Variants in ZKSCAN5 observed in about 807,000 individuals in gnomAD.
ZKSCAN5 encodes zinc finger protein with KRAB and SCAN domains 5.
ZKSCAN5 carries 28 observed loss-of-function variants against 60.0 expected under a neutral mutation model. That is an observed-to-expected ratio of 0.47 (90% CI 0.35 to 0.64). ZKSCAN5 has a LOEUF of 0.64. ZKSCAN5 is among the 30% of genes least tolerant of loss of function. The pLI, the probability that ZKSCAN5 is intolerant of heterozygous loss-of-function variation, is 0.01. For synonymous variants in ZKSCAN5, 361 were observed against 371.2 expected (o/e 0.97, Z 0.31); for missense variants, 881 against 1,034.6 (o/e 0.85, Z 2.04).
intron 5 of ZKSCAN5, among the ~76,000 whole-genome samples, chr7:99,524,700 AG>A (rs1801695361): frequency 6.6e-6 from 1 of 152,188 alleles, no homozygotes; most frequent in South Asian, 2.1e-4. Context: ...GGTTCTTCTC[AG>A]GATATAGAAA....
At chr7:99,519,957 C>T (rs949185419) in intron 4 of ZKSCAN5, 48 bp downstream of exon 4, 12 of 1,598,262 alleles carry the variant, frequency 7.5e-6, no homozygotes, top group Non-Finnish European at 1.0e-5. Flanking sequence ...CCTGAACCTT[C>T]ACCAAGAGTT....
rs573055068 is a variant in ZKSCAN5, at chr7:99,517,359, T to C, written c.554-2468T>C. The stretch of plus-strand genomic sequence containing the variant: ...GATTACAGGCGTGAGCCACTGTGCC[T>C]GGCCCTTCATAATGTTTTAAGAAAC... On this transcript the variant is annotated intron_variant, in intron 3 of 6. Coordinates refer to ENST00000326775, the MANE Select transcript of ZKSCAN5 (RefSeq NM_145102.4). 3.2e-3 allele frequency among the ~76,000 whole-genome samples: 480 copies of C among 149,534 alleles called. 3 individuals carry two copies. The highest frequency in any genetic ancestry group is 0.011 in the African/African-American group (460 of 40,998).
rs777966300 is a variant in ZKSCAN5, at chr7:99,532,079, C to CTTAA, written c.2351_2352insTAAT (p.Lys785AsnfsTer6). 1.2e-6 allele frequency: 2 copies of CTTAA among 1,614,182 alleles called. No individual in the cohort carries two copies. Among genetic ancestry groups the CTTAA allele is most frequent in the Non-Finnish European group, 1.7e-6 (2 of 1,180,030 alleles). Reference sequence around the variant, plus strand: ...TCATGAATGTGGCAGAGGCTTCACTCTGAAGTCACATCTTAATCAACATCA... The same window carrying CTTAA: ...TCATGAATGTGGCAGAGGCTTCACTCTTAATGAAGTCACATCTTAATCAACATCA... On this transcript the variant is annotated frameshift_variant, in exon 7 of 7. Transcript: ENST00000326775. LOFTEE classifies it high-confidence loss of function.
chr7:99,511,983 G>A (rs1801054135), intron 2 of ZKSCAN5, among the ~76,000 whole-genome samples: 2 of 152,012 alleles, frequency 1.3e-5, no homozygotes, highest in Admixed American at 1.3e-4. Flanking sequence ...TAGTAGAGAC[G>A]GGGTTTCACC....
In ZKSCAN5 at chr7:99,519,809, C is replaced by T. The variant is rs1562909525; in HGVS notation, c.554-18C>T. 1 of 1,611,766 alleles carries T rather than the reference C, an allele frequency of 6.2e-7. No individual in the cohort carries two copies. Among genetic ancestry groups the T allele is most frequent in the Admixed American group, 1.7e-5 (1 of 59,996 alleles). ...GGCAAAGATGTTCTCACTTAAACCT[C>T]TTTTTCTCCTCCCTTAGCCCTTCCT... On this transcript the variant is annotated intron_variant, in intron 3 of 6. Coordinates refer to ENST00000326775, the MANE Select transcript of ZKSCAN5 (RefSeq NM_145102.4).
At position 99,526,159 on chromosome 7, in the gene ZKSCAN5, G is replaced by GT. The variant is rs1801777995; in HGVS notation, c.1122dup (p.Lys375Ter). The GT allele has an allele frequency of 1.9e-6, 3 of 1,614,206 alleles. No homozygotes were observed. The highest frequency in any genetic ancestry group is 1.7e-6 in the Non-Finnish European group (2 of 1,180,050). On this transcript the variant is annotated frameshift_variant, in exon 6 of 7. Transcript: ENST00000326775. LOFTEE classifies it high-confidence loss of function. ...GGCGCATCCACACTGGAGAAAAACC[G>GT]TTTAAGTGCGGAGAATGTGGGAAGA...
intron 5 of ZKSCAN5, among the ~76,000 whole-genome samples, chr7:99,523,481 C>T (rs1247587766): frequency 1.3e-5 from 2 of 152,094 alleles, no homozygotes; most frequent in Admixed American, 6.6e-5. Flanking sequence ...ATTAGCTAGG[C>T]GTGGTGGTGC....
At chr7:99,521,869 T>G (rs900574524) in intron 5 of ZKSCAN5, among the ~76,000 whole-genome samples, 5 of 152,138 alleles carry the variant, frequency 3.3e-5, no homozygotes, top group African/African-American at 1.2e-4. Context: ...TAATGCAAAT[T>G]TTAAAAATTC....
rs1331069738 is a variant in ZKSCAN5 at position 99,526,325 on chromosome 7, C to T, written c.1285C>T (p.Pro429Ser). 7 of 1,610,204 alleles carry T rather than the reference C, an allele frequency of 4.3e-6. No homozygotes were observed. The highest frequency in any genetic ancestry group is 5.9e-6 in the Non-Finnish European group (7 of 1,180,028). Residue 429 changes from proline (P) to serine (S), a missense_variant, in exon 6 of 7, where the codon CCC becomes TCC. By Grantham distance (74) the Pro-to-Ser change is moderately conservative. Coordinates refer to ENST00000326775, the MANE Select transcript of ZKSCAN5 (RefSeq NM_145102.4). ...QHHSVHSGER[P>S]YGCNECGKNF... is the part of the protein sequence containing the mutation. ...CCACAGTGTCCACAGCGGAGAGAGG[C>T]CCTATGGCTGCAATGAGTGTGGGAA...
At chr7:99,520,105 T>C in intron 4 of ZKSCAN5, 64 bp from the exon 5 acceptor site, 1 of 1,592,870 alleles carries the variant, frequency 6.3e-7, no homozygotes, top group Admixed American at 1.7e-5. Context: ...ATGAGCCCAG[T>C]TCTTCCCCTC....
intron 3 of ZKSCAN5, among the ~76,000 whole-genome samples, chr7:99,516,308 G>T (rs1271589396): frequency 6.6e-6 from 1 of 152,082 alleles, no homozygotes; most frequent in Non-Finnish European, 1.5e-5. Context: ...ATCCTAGCCG[G>T]TTTATTTTAG....
At position 99,523,120 on chromosome 7, in the gene ZKSCAN5, T is replaced by C. The variant is rs919736465; in HGVS notation, c.773-2693T>C. ...TGAAGGTTGCAGTGAGCTGAGATCA[T>C]GCCATTGCACTCCAGCCTAGGTGAC... On this transcript the variant is annotated intron_variant, in intron 5 of 6. Transcript: ENST00000326775. Among the ~76,000 whole-genome samples, 5 of 128,960 alleles carry C rather than the reference T, an allele frequency of 3.9e-5. No individual in the cohort carries two copies. In the Admixed American group the frequency reaches 3.9e-4, roughly 10 times the overall value. The allele number at this position is 128,960 out of a possible 152,430, so 84.6% of individuals were successfully genotyped here.
intron 2 of ZKSCAN5, among the ~76,000 whole-genome samples, chr7:99,511,802 T>G (rs185854120): frequency 9.9e-5 from 15 of 151,960 alleles, no homozygotes; most frequent in African/African-American, 3.6e-4. Flanking sequence ...TCCATTTTTT[T>G]TTTTTGAGAC....
rs1802130325 is a variant in ZKSCAN5 at position 99,533,205 on chromosome 7, G to A, written c.*956G>A. 3.1e-6 allele frequency: 2 copies of A among 650,774 alleles called. No homozygotes were observed. Among genetic ancestry groups the A allele is most frequent in the Non-Finnish European group, 5.7e-6 (2 of 352,216 alleles). The allele number at this position is 650,774 out of a possible 1,614,324, so 40.3% of individuals were successfully genotyped here. A position where few individuals can be genotyped will look rare whatever the true frequency, so the allele number is the denominator to read the frequency against. On this transcript the variant is annotated 3_prime_UTR_variant, in exon 7 of 7. Transcript: ENST00000326775. ...CTCTCCTGTAGAGTGGTGATATACA[G>A]AATGAGTTTCAGTTTGCATTGCAGC...
intron 6 of ZKSCAN5, among the ~76,000 whole-genome samples, chr7:99,526,887 T>C (rs1801818462): frequency 6.6e-6 from 1 of 152,220 alleles, no homozygotes; most frequent in Non-Finnish European, 1.5e-5. Flanking sequence ...CTTCTGGTAA[T>C]TCTGTATTTT....
chr7:99,507,333 C>G (rs1470274374), intron 2 of ZKSCAN5, among the ~76,000 whole-genome samples: 1 of 151,714 alleles, frequency 6.6e-6, no homozygotes, highest in African/African-American at 2.4e-5. Context: ...TTAAATTGTT[C>G]CTTGAGATTG....
chr7:99,511,302 C>T (rs1220431066), intron 2 of ZKSCAN5, among the ~76,000 whole-genome samples: 3 of 152,168 alleles, frequency 2.0e-5, no homozygotes, highest in Admixed American at 2.0e-4. Context: ...CAGTGTTGGT[C>T]TGTCCAGTGT....
intron 5 of ZKSCAN5, among the ~76,000 whole-genome samples, chr7:99,524,460 C>A (rs1801686187): frequency 6.6e-6 from 1 of 152,184 alleles, no homozygotes; most frequent in South Asian, 2.1e-4. Context: ...GAACCGCCCG[C>A]CTTGGCTTCC....
rs1462541667 is a variant in ZKSCAN5 at position 99,517,501 on chromosome 7, C to A, written c.554-2326C>A. ...TTCAAGACCAGCCTGGCCAACATGGCGAAATCCCGTCTCTACTAAAAATAC... is the reference window on the plus strand; with the variant it reads ...TTCAAGACCAGCCTGGCCAACATGGAGAAATCCCGTCTCTACTAAAAATAC... On this transcript the variant is annotated intron_variant, in intron 3 of 6. Transcript: ENST00000326775. 5.3e-5 allele frequency among the ~76,000 whole-genome samples: 8 copies of A among 152,080 alleles called. No homozygotes were observed. The East Asian group carries it at 1.4e-3, about 26-fold the overall frequency.
Sources: allele counts gnomAD v4.1 joint callset (sites outside exome capture counted in the v4.1 genomes callset), GRCh38; gene constraint gnomAD v4.1.1; transcripts MANE v1.5; gene names NCBI Gene and HGNC (gene_info 2026-07-23, HGNC 2026-07-21).